Variants in MCC observed in about 807,000 individuals in gnomAD.
MCC encodes the protein colorectal mutant cancer protein.
MCC carries 90 observed loss-of-function variants against 116.2 expected under a neutral mutation model. The ratio of observed to expected loss-of-function variants is 0.77; its 90% CI spans 0.65 to 0.92. The LOEUF is 0.92. Among genes scored for constraint, MCC ranks in the 40% least tolerant of loss-of-function variants. MCC has a pLI of 0.00. For synonymous variants in MCC, 578 were observed against 510.5 expected, an observed-to-expected ratio of 1.13 and a Z score of -1.78; for missense variants, 1,516 against 1,312.2, an observed-to-expected ratio of 1.16 and a Z score of -2.40.
Position 113,024,574 on chromosome 5 carries a change from G to A in MCC, c.*2728C>T, listed in dbSNP as rs1317032479. On this transcript the variant is annotated 3_prime_UTR_variant, in exon 19 of 19. Coordinates refer to ENST00000408903, the MANE Select transcript of MCC (RefSeq NM_001085377.2). Reference sequence around the variant, plus strand: ...TGACTAAAAGGGGGTAACCACTGAGGAAACTAGGGAGAACAATTCAAAATA... The same window carrying A: ...TGACTAAAAGGGGGTAACCACTGAGAAAACTAGGGAGAACAATTCAAAATA... The A allele has an allele frequency of 6.6e-6, 1 of 152,184 alleles. No individual in the cohort carries two copies. Among genetic ancestry groups the A allele is most frequent in the African/African-American group, 2.4e-5 (1 of 41,450 alleles). 9.4% of individuals were successfully genotyped at this position (152,184 alleles called of 1,614,324 possible). A position where few individuals can be genotyped will look rare whatever the true frequency, so the allele number is the denominator to read the frequency against.
At chr5:113,451,691 C>A (rs1771400863) in intron 1 of MCC, among the ~76,000 whole-genome samples, 1 of 152,066 alleles carries the variant, frequency 6.6e-6, no homozygotes, top group African/African-American at 2.4e-5. Context: ...GCACTCCAGC[C>A]TGGGCAACAA....
Position 113,438,974 on chromosome 5 carries a change from C to G in MCC, c.170+49271G>C, listed in dbSNP as rs192176906. On this transcript the variant is annotated intron_variant, in intron 1 of 18. Coordinates refer to ENST00000408903, the MANE Select transcript of MCC (RefSeq NM_001085377.2). The stretch of plus-strand genomic sequence containing the variant: ...TGTTAGAGCTTCCTTGGGCAGGATC[C>G]CCTGGCTGGGAGGTCACCCAGGATA... Among the ~76,000 whole-genome samples, 3 of 152,214 alleles carry G rather than the reference C, an allele frequency of 2.0e-5. No individual in the cohort carries two copies. The East Asian group carries it at 5.8e-4, about 29-fold the overall frequency.
At chr5:113,315,704 CAAAAAAA>C (rs35274366) in intron 3 of MCC, among the ~76,000 whole-genome samples, 10 of 64,470 alleles carry the variant, frequency 1.6e-4, no homozygotes, top group African/African-American at 2.1e-4. Flanking sequence ...CCCATCTCTA[CAAAAAAA>C]AAAAAAAAAA....
chr5:113,123,331 C>T (rs1233941674), intron 5 of MCC, among the ~76,000 whole-genome samples: 2 of 152,126 alleles, frequency 1.3e-5, no homozygotes, highest in Non-Finnish European at 2.9e-5. Flanking sequence ...TCAAACTAGA[C>T]TTTTTTGAAA....
At position 113,068,113 on chromosome 5, in the gene MCC, G is replaced by A. The variant is rs374240917; in HGVS notation, c.1996C>T (p.Gln666Ter). The change falls in exon 13 of 19, where the codon CAG becomes TAG. Residue 666 changes from glutamine (Q) to a stop codon, truncating the protein, a stop_gained. Coordinates refer to ENST00000408903, the MANE Select transcript of MCC (RefSeq NM_001085377.2). LOFTEE classifies it high-confidence loss of function. ...AESEQSLILG[Q>*]FRAAGVGSSP... Reference sequence around the variant, plus strand: ...GACCCCACGCCCGCCGCTCGGAACTGCCCCAGGATGAGGCTCTGCTCACTC... The same window carrying A: ...GACCCCACGCCCGCCGCTCGGAACTACCCCAGGATGAGGCTCTGCTCACTC... The A allele has an allele frequency of 6.2e-7, 1 of 1,614,056 alleles. No individual in the cohort carries two copies. Among genetic ancestry groups the A allele is most frequent in the Non-Finnish European group, 8.5e-7 (1 of 1,180,034 alleles).
At chr5:113,078,285 A>C (rs1754601115) in intron 11 of MCC, among the ~76,000 whole-genome samples, 1 of 152,198 alleles carries the variant, frequency 6.6e-6, no homozygotes, top group Non-Finnish European at 1.5e-5. Context: ...AAAAGAGGGA[A>C]TCCTCCCTCA....
At chr5:113,250,018 A>G (rs914627999) in intron 3 of MCC, among the ~76,000 whole-genome samples, 1 of 152,240 alleles carries the variant, frequency 6.6e-6, no homozygotes, top group East Asian at 1.9e-4. Flanking sequence ...ACCACCAAAT[A>G]AGAAGAAACA....
intron 1 of MCC, among the ~76,000 whole-genome samples, chr5:113,410,676 A>G (rs528459102): frequency 6.6e-6 from 1 of 152,382 alleles, no homozygotes; most frequent in South Asian, 2.1e-4. Flanking sequence ...TTACATAGGT[A>G]TACATGTGCC....
At chr5:113,385,415 T>G (rs1769230435) in intron 1 of MCC, among the ~76,000 whole-genome samples, 1 of 152,254 alleles carries the variant, frequency 6.6e-6, no homozygotes, top group Admixed American at 6.5e-5. Context: ...ACTCTATTAT[T>G]TGGAATGGTG....
intron 3 of MCC, among the ~76,000 whole-genome samples, chr5:113,273,039 A>C (rs994014883): frequency 1.3e-5 from 2 of 152,258 alleles, no homozygotes; most frequent in Admixed American, 1.3e-4. Context: ...TTACTATTTC[A>C]CTATTGTGAA....
At chr5:113,275,965 GTTTTGTT>G (rs1481464619) in intron 3 of MCC, among the ~76,000 whole-genome samples, 18 of 121,030 alleles carry the variant, frequency 1.5e-4, no homozygotes, top group African/African-American at 6.1e-4. Context: ...GATTTCACTT[GTTTTGTT>G]TTTTTTTTTT....
At chr5:113,286,319 C>A (rs575605785) in intron 3 of MCC, among the ~76,000 whole-genome samples, 1 of 152,206 alleles carries the variant, frequency 6.6e-6, no homozygotes, top group Non-Finnish European at 1.5e-5. Context: ...ACCACATAAC[C>A]AGTCAGAGGC....
At chr5:113,452,947 T>G (rs911281477) in intron 1 of MCC, among the ~76,000 whole-genome samples, 25 of 152,206 alleles carry the variant, frequency 1.6e-4, no homozygotes, top group Admixed American at 1.2e-3. Context: ...ATAATCAGCC[T>G]TAATAATTAG....
chr5:113,185,952 T>A (rs569254469), intron 3 of MCC, among the ~76,000 whole-genome samples: 2 of 152,088 alleles, frequency 1.3e-5, no homozygotes, highest in Non-Finnish European at 2.9e-5. Context: ...CAATTAAGTG[T>A]ATATTCAGAT....
chr5:113,043,689 G>C (rs1277574572), intron 16 of MCC, 59 bp from the exon 17 acceptor site: 2 of 1,296,404 alleles, frequency 1.5e-6, no homozygotes, highest in Non-Finnish European at 2.2e-6. Context: ...CACCCTGGAA[G>C]CCTGCAGCAG....
chr5:113,355,360 A>G (rs1274849555), intron 2 of MCC, among the ~76,000 whole-genome samples: 1 of 152,204 alleles, frequency 6.6e-6, no homozygotes, highest in African/African-American at 2.4e-5. Context: ...TGCATTTCAT[A>G]GGTCATCTCC....
chr5:113,183,756 T>G (rs1581217092), intron 3 of MCC, among the ~76,000 whole-genome samples: 1 of 152,142 alleles, frequency 6.6e-6, no homozygotes, highest in Admixed American at 6.5e-5. Context: ...GGGAACTAGC[T>G]GGAAAACATG....
intron 4 of MCC, among the ~76,000 whole-genome samples, chr5:113,150,831 G>T (rs1400344071): frequency 3.9e-5 from 6 of 152,156 alleles, no homozygotes; most frequent in African/African-American, 1.4e-4. Flanking sequence ...GAAGGCCAAG[G>T]CAAGAGGATC....
intron 3 of MCC, among the ~76,000 whole-genome samples, chr5:113,186,982 T>C (rs1017806247): frequency 2.0e-5 from 3 of 152,156 alleles, no homozygotes; most frequent in Non-Finnish European, 4.4e-5. Context: ...ACAATAATTA[T>C]CTGGCAGAAA....
Sources: allele counts gnomAD v4.1 joint callset (sites outside exome capture counted in the v4.1 genomes callset), GRCh38; gene constraint gnomAD v4.1.1; transcripts MANE v1.5; gene names NCBI Gene and HGNC (gene_info 2026-07-23, HGNC 2026-07-21).